Variants in PTPN12 observed in about 807,000 individuals in gnomAD.
PTPN12 encodes protein tyrosine phosphatase non-receptor type 12, also known as tyrosine-protein phosphatase non-receptor type 12.
A neutral mutation model predicts 97.6 loss-of-function variants in PTPN12; 29 were observed. The ratio of observed to expected loss-of-function variants is 0.30; its 90% CI spans 0.22 to 0.41. The LOEUF is 0.41. Ranked by LOEUF, PTPN12 falls within the 10% of genes least tolerant of loss-of-function variation. The pLI, the probability that PTPN12 is intolerant of heterozygous loss-of-function variation, is 1.00. For missense variants in PTPN12, 819 were observed against 926.0 expected, an observed-to-expected ratio of 0.88 and a Z score of 1.50; for synonymous variants, 327 against 300.4, an observed-to-expected ratio of 1.09 and a Z score of -0.91.
intron 12 of PTPN12, among the ~76,000 whole-genome samples, chr7:77,622,227 T>A (rs1034919808): frequency 1.3e-5 from 2 of 152,158 alleles, no homozygotes; most frequent in Non-Finnish European, 2.9e-5. Flanking sequence ...AGTGCTGGGA[T>A]TGCAGGCGTG....
intron 1 of PTPN12, among the ~76,000 whole-genome samples, chr7:77,540,294 G>A (rs1459834201): frequency 1.3e-5 from 2 of 149,612 alleles, no homozygotes; most frequent in Non-Finnish European, 3.0e-5. Flanking sequence ...TTGGAGTGCA[G>A]TGGCTCAATC....
rs1788553043 is a variant in PTPN12, at chr7:77,611,061, T to C, written c.939+15T>C. ...CTGATGGAGTGGTAGGTGTTCTTGG[T>C]CTATTAATTTTAGGAAACTTTTACT... On this transcript the variant is annotated intron_variant, in intron 11 of 17. Transcript: ENST00000248594. The C allele has an allele frequency of 6.3e-7, 1 of 1,577,582 alleles. No homozygotes were observed. The highest frequency in any genetic ancestry group is 2.2e-5 in the East Asian group (1 of 44,592).
chr7:77,558,059 A>G (rs1470456849), intron 1 of PTPN12, among the ~76,000 whole-genome samples: 3 of 151,922 alleles, frequency 2.0e-5, no homozygotes, highest in Non-Finnish European at 2.9e-5. Flanking sequence ...AAAAATAGAA[A>G]AATTAGCTGG....
chr7:77,554,306 A>T (rs1471717270), intron 1 of PTPN12, among the ~76,000 whole-genome samples: 1 of 152,172 alleles, frequency 6.6e-6, no homozygotes, highest in Non-Finnish European at 1.5e-5. Context: ...GGCATTTGCA[A>T]TGTATATTTC....
intron 2 of PTPN12, among the ~76,000 whole-genome samples, chr7:77,573,120 T>A (rs1787216807): frequency 1.6e-5 from 2 of 122,956 alleles, no homozygotes; most frequent in Non-Finnish European, 3.4e-5. Flanking sequence ...AAAACCAGTG[T>A]ACCTAGCACA....
intron 12 of PTPN12, among the ~76,000 whole-genome samples, chr7:77,626,062 A>T (rs549034852): frequency 2.0e-5 from 3 of 152,262 alleles, no homozygotes; most frequent in Admixed American, 6.5e-5. Context: ...ACTAACAAGG[A>T]TGTCTGTGGT....
At chr7:77,597,564 CAT>C (rs962706093) in intron 6 of PTPN12, among the ~76,000 whole-genome samples, 2 of 152,120 alleles carry the variant, frequency 1.3e-5, no homozygotes, top group African/African-American at 4.8e-5. Context: ...TTAATTGACA[CAT>C]AGTATCTATA....
chr7:77,548,263 G>A (rs1324972288), intron 1 of PTPN12, among the ~76,000 whole-genome samples: 1 of 152,072 alleles, frequency 6.6e-6, no homozygotes, highest in Non-Finnish European at 1.5e-5. Flanking sequence ...TATAATGGTG[G>A]GTCTCTTGCT....
chr7:77,637,868 A>AG (rs1463374529), intron 16 of PTPN12, among the ~76,000 whole-genome samples: 1 of 151,070 alleles, frequency 6.6e-6, no homozygotes, highest in Non-Finnish European at 1.5e-5. Flanking sequence ...AAAAAAAAAA[A>AG]AAAAAAAACA....
intron 8 of PTPN12, among the ~76,000 whole-genome samples, chr7:77,605,442 C>T (rs183701045): frequency 0.033 from 1,917 of 57,514 alleles, 56 homozygotes; most frequent in African/African-American, 0.12. Flanking sequence ...TTTTTTGAGA[C>T]GGAGTCTCGC....
intron 4 of PTPN12, chr7:77,583,878 G>A: frequency 2.7e-6 from 1 of 365,032 alleles, no homozygotes; most frequent in Non-Finnish European, 5.0e-6. Context: ...CTTGTCCTAA[G>A]TCAGTAAGTA....
intron 1 of PTPN12, among the ~76,000 whole-genome samples, chr7:77,564,463 A>T (rs1470664659): frequency 1.3e-5 from 2 of 152,126 alleles, no homozygotes; most frequent in African/African-American, 4.8e-5. Context: ...TGGTTATTGA[A>T]TGTGAACTAT....
chr7:77,553,439 A>G (rs1807566591), intron 1 of PTPN12, among the ~76,000 whole-genome samples: 1 of 152,188 alleles, frequency 6.6e-6, no homozygotes, highest in Admixed American at 6.5e-5. Flanking sequence ...TTGCAGTTCT[A>G]TCAGTTTTGG....
intron 9 of PTPN12, among the ~76,000 whole-genome samples, chr7:77,607,974 C>T (rs567250010): frequency 3.3e-5 from 5 of 152,244 alleles, no homozygotes; most frequent in East Asian, 3.9e-4. Flanking sequence ...AGGCTGGTCT[C>T]GAACTTCTGA....
chr7:77,547,082 A>G (rs747845082), intron 1 of PTPN12, among the ~76,000 whole-genome samples: 1 of 152,220 alleles, frequency 6.6e-6, no homozygotes, highest in Non-Finnish European at 1.5e-5. Context: ...TATTTTAACA[A>G]CATTTGAGTG....
chr7:77,581,038 TTTTTGTTTTGTTTTG>T (rs140098952), intron 2 of PTPN12, among the ~76,000 whole-genome samples: 34,138 of 151,884 alleles, frequency 0.22, 4,848 homozygotes, highest in East Asian at 0.7. Context: ...TGGTGGTGTT[TTTTTGTTTTGTTTTG>T]TTTTGTTTTG....
At chr7:77,567,102 A>T (rs1267372291) in intron 1 of PTPN12, among the ~76,000 whole-genome samples, 4 of 151,870 alleles carry the variant, frequency 2.6e-5, no homozygotes, top group African/African-American at 9.7e-5. Flanking sequence ...TTAAAATGAA[A>T]TTATATGTGT....
intron 6 of PTPN12, among the ~76,000 whole-genome samples, chr7:77,594,098 C>T (rs557243747): frequency 2.0e-5 from 3 of 152,104 alleles, no homozygotes; most frequent in Admixed American, 6.5e-5. Context: ...CACCATTGAA[C>T]TTTTTGGATG....
At chr7:77,596,548 G>C (rs6465752) in intron 6 of PTPN12, among the ~76,000 whole-genome samples, 143,655 of 152,298 alleles carry the variant, frequency 0.94, 67,844 homozygotes, top group African/African-American at 0.98. Context: ...GTAGCTGAGA[G>C]CACAGGCTTA....
Sources: allele counts gnomAD v4.1 joint callset (sites outside exome capture counted in the v4.1 genomes callset), GRCh38; gene constraint gnomAD v4.1.1; transcripts MANE v1.5; gene names NCBI Gene and HGNC (gene_info 2026-07-23, HGNC 2026-07-21).